Variants in DLG2 observed in about 807,000 individuals in gnomAD.
The protein encoded by DLG2 is discs large MAGUK scaffold protein 2.
Under a neutral mutation model 132.5 loss-of-function variants are expected in DLG2, and 45 were observed. The observed-to-expected ratio is 0.34, with a 90% CI of 0.27 to 0.44. DLG2 has a LOEUF of 0.44. Ranked by LOEUF, DLG2 falls within the 20% of genes least tolerant of loss-of-function variation. The pLI, the probability that DLG2 is intolerant of heterozygous loss-of-function variation, is 1.00. For missense variants in DLG2, 1,045 were observed against 1,196.9 expected, an observed-to-expected ratio of 0.87 and a Z score of 1.87; for synonymous variants, 424 against 419.6, an observed-to-expected ratio of 1.01 and a Z score of -0.13.
At chr11:85,148,198 G>A (rs1474176550) in intron 5 of DLG2, among the ~76,000 whole-genome samples, 2 of 152,148 alleles carry the variant, frequency 1.3e-5, no homozygotes, top group South Asian at 2.1e-4. Flanking sequence ...ATTGTGAATA[G>A]TGCTGCAATA....
chr11:84,853,864 C>T (rs997613898), intron 6 of DLG2, among the ~76,000 whole-genome samples: 2 of 151,984 alleles, frequency 1.3e-5, no homozygotes, highest in Non-Finnish European at 2.9e-5. Flanking sequence ...GGAAGTAAAG[C>T]AAGCTGACTG....
chr11:85,465,673 T>C (rs1268534534), intron 3 of DLG2, among the ~76,000 whole-genome samples: 1 of 152,244 alleles, frequency 6.6e-6, no homozygotes, highest in Admixed American at 6.5e-5. Flanking sequence ...CCATGGTGTA[T>C]GTGTGCCACA....
At chr11:84,058,673 T>G (rs540856516) in intron 11 of DLG2, among the ~76,000 whole-genome samples, 78 of 151,216 alleles carry the variant, frequency 5.2e-4, no homozygotes, top group African/African-American at 1.7e-3. Flanking sequence ...GGCAACAGAG[T>G]GAGACCCTGC....
At chr11:84,750,877 G>C (rs929207058) in intron 6 of DLG2, among the ~76,000 whole-genome samples, 7 of 152,256 alleles carry the variant, frequency 4.6e-5, no homozygotes, top group African/African-American at 1.7e-4. Context: ...AATCCAATTT[G>C]TTTTTAGTAC....
chr11:84,671,086 G>A (rs541392872), intron 6 of DLG2, among the ~76,000 whole-genome samples: 10 of 150,978 alleles, frequency 6.6e-5, no homozygotes, highest in East Asian at 5.9e-4. Flanking sequence ...GGGATTTACC[G>A]AGTACAATAA....
intron 3 of DLG2, among the ~76,000 whole-genome samples, chr11:85,493,080 G>C (rs751861310): frequency 6.6e-6 from 1 of 152,058 alleles, no homozygotes; most frequent in African/African-American, 2.4e-5. Context: ...CTAACTATAA[G>C]TAAAAATATG....
At chr11:83,551,878 T>TA (rs2096399905) in intron 19 of DLG2, among the ~76,000 whole-genome samples, 2 of 152,206 alleles carry the variant, frequency 1.3e-5, no homozygotes, top group Admixed American at 1.3e-4. Flanking sequence ...AGGCACTCTA[T>TA]AGTTTGTTGG....
rs569860441 is a variant in DLG2 at position 84,978,207 on chromosome 11, A to G, written c.357+133454T>C. ...GAAAACTCCGTCAGAAAGCTAAAGG[A>G]GTTTTCTAGTCAAAGAAACACTGAA... On this transcript the variant is annotated intron_variant, in intron 6 of 27. Transcript: ENST00000376104. 2.3e-4 allele frequency among the ~76,000 whole-genome samples: 35 copies of G among 152,326 alleles called. No individual in the cohort carries two copies. In the South Asian group the frequency reaches 7.3e-3, roughly 32 times the overall value.
intron 5 of DLG2, among the ~76,000 whole-genome samples, chr11:85,131,398 G>A (rs2075697703): frequency 6.6e-6 from 1 of 152,012 alleles, no homozygotes; most frequent in African/African-American, 2.4e-5. Flanking sequence ...TGGTAGTATT[G>A]TCTCAAGAAA....
chr11:85,355,109 T>G (rs969029512), intron 3 of DLG2, among the ~76,000 whole-genome samples: 2 of 152,172 alleles, frequency 1.3e-5, no homozygotes, highest in African/African-American at 4.8e-5. Flanking sequence ...TACATGAAAT[T>G]TTTGTGGTAT....
chr11:83,978,929 G>A (rs2092528973), intron 12 of DLG2, among the ~76,000 whole-genome samples: 1 of 152,110 alleles, frequency 6.6e-6, no homozygotes, highest in African/African-American at 2.4e-5. Context: ...GCCTCAATTT[G>A]AAACCCAGTT....
At chr11:85,016,308 G>T (rs530141143) in intron 6 of DLG2, among the ~76,000 whole-genome samples, 1 of 152,102 alleles carries the variant, frequency 6.6e-6, no homozygotes, top group Non-Finnish European at 1.5e-5. Flanking sequence ...TATACTTTTT[G>T]ACCTCAATCT....
At chr11:84,246,906 A>T (rs1187763953) in intron 8 of DLG2, among the ~76,000 whole-genome samples, 1 of 152,170 alleles carries the variant, frequency 6.6e-6, no homozygotes, top group Non-Finnish European at 1.5e-5. Context: ...ACACACCAAA[A>T]ATTGGCAATT....
chr11:85,480,477 C>G (rs934584697), intron 3 of DLG2, among the ~76,000 whole-genome samples: 1 of 151,670 alleles, frequency 6.6e-6, no homozygotes, highest in Non-Finnish European at 1.5e-5. Flanking sequence ...TGATATTGAA[C>G]AAAAAAAGGC....
At chr11:83,915,003 G>T (rs1751621400) in intron 15 of DLG2, among the ~76,000 whole-genome samples, 1 of 152,106 alleles carries the variant, frequency 6.6e-6, no homozygotes, top group South Asian at 2.1e-4. Flanking sequence ...AAAGGATGAG[G>T]AGAAAAGGAG....
At chr11:83,712,906 T>A (rs2085794871) in intron 18 of DLG2, among the ~76,000 whole-genome samples, 1 of 151,918 alleles carries the variant, frequency 6.6e-6, no homozygotes, top group Non-Finnish European at 1.5e-5. Flanking sequence ...CAAATCACCG[T>A]GGCACAAGTT....
At chr11:83,610,241 C>CCTAT (rs2059920182) in intron 19 of DLG2, among the ~76,000 whole-genome samples, 1 of 152,096 alleles carries the variant, frequency 6.6e-6, no homozygotes, top group Non-Finnish European at 1.5e-5. Flanking sequence ...TTTACCTCTT[C>CCTAT]CTATCTATGT....
chr11:85,406,459 G>A (rs541843738), intron 3 of DLG2, among the ~76,000 whole-genome samples: 37 of 115,684 alleles, frequency 3.2e-4, no homozygotes, highest in Non-Finnish European at 6.1e-4. Flanking sequence ...AGCATTGAAC[G>A]ACCTATCAAA....
At chr11:84,405,316 G>A (rs991948769) in intron 7 of DLG2, among the ~76,000 whole-genome samples, 1 of 152,108 alleles carries the variant, frequency 6.6e-6, no homozygotes, top group South Asian at 2.1e-4. Context: ...ATGTCAATGA[G>A]CCCCTGGAAG....
Sources: allele counts gnomAD v4.1 joint callset (sites outside exome capture counted in the v4.1 genomes callset), GRCh38; gene constraint gnomAD v4.1.1; transcripts MANE v1.5; gene names NCBI Gene and HGNC (gene_info 2026-07-23, HGNC 2026-07-21).